The following EFR3B variants were observed in gnomAD, a reference collection of about 807,000 sequenced individuals.
EFR3B encodes the protein EFR3 homolog B, also known as protein EFR3 homolog B.
Under a neutral mutation model 104.7 loss-of-function variants are expected in EFR3B, and 64 were observed. The observed-to-expected ratio is 0.61, with a 90% CI of 0.50 to 0.75. The LOEUF (loss-of-function observed/expected upper bound fraction) is 0.75. EFR3B is among the 30% of genes least tolerant of loss of function. EFR3B has a pLI of 0.00. For missense variants in EFR3B, 750 were observed against 1,078.5 expected, an observed-to-expected ratio of 0.70 and a Z score of 4.27; for synonymous variants, 385 against 417.9, an observed-to-expected ratio of 0.92 and a Z score of 0.96.
chr2:25,080,323 T>C, intron 1 of EFR3B: 1 of 773,718 alleles, frequency 1.3e-6, no homozygotes, highest in African/African-American at 2.0e-5. Flanking sequence ...AGATGGAGTT[T>C]TGCTCTTGTC....
rs749717958 is a variant in EFR3B at position 25,065,346 on chromosome 2, ATTTTTTTTTT to A, written c.7+23042_7+23051del. 1.8e-4 allele frequency among the ~76,000 whole-genome samples: 17 copies of A among 93,354 alleles called. 1 individual carries two copies. Among genetic ancestry groups the A allele is most frequent in the Non-Finnish European group, 2.5e-4 (12 of 48,870 alleles). The allele number at this position is 93,354 out of a possible 152,430, so 61.2% of individuals were successfully genotyped here. A position where few individuals can be genotyped will look rare whatever the true frequency, so the allele number is the denominator to read the frequency against. ...CAGGTGCGCATCACCACACCCAGCT[ATTTTTTTTTT>A]TTTTTTTTTTTTTTGGTTCAGATGA... On this transcript the variant is annotated intron_variant, in intron 1 of 22. Transcript: ENST00000403714.
intron 3 of EFR3B, among the ~76,000 whole-genome samples, chr2:25,094,290 A>AAAAAG (rs971956253): frequency 1.3e-5 from 2 of 151,282 alleles, no homozygotes; most frequent in African/African-American, 4.8e-5. Flanking sequence ...CTCAAAAAAA[A>AAAAAG]AAAAAAAAAA....
intron 18 of EFR3B, among the ~76,000 whole-genome samples, chr2:25,144,613 G>A (rs1001671981): frequency 6.6e-6 from 1 of 152,022 alleles, no homozygotes; most frequent in Non-Finnish European, 1.5e-5. Flanking sequence ...CTGTATTAAT[G>A]CAAATGCACT....
At chr2:25,079,389 C>T (rs1190893826) in intron 1 of EFR3B, among the ~76,000 whole-genome samples, 1 of 152,144 alleles carries the variant, frequency 6.6e-6, no homozygotes, top group African/African-American at 2.4e-5. Context: ...AGGGGAGTTT[C>T]ATGGCAGAGA....
Position 25,139,048 on chromosome 2 carries a change from T to C in EFR3B, c.1723-11T>C, listed in dbSNP as rs1670592153. The C allele has an allele frequency of 6.4e-7, 1 of 1,551,654 alleles. No individual in the cohort carries two copies. The highest frequency in any genetic ancestry group is 8.7e-7 in the Non-Finnish European group (1 of 1,146,946). On this transcript the variant is annotated splice_polypyrimidine_tract_variant and intron_variant, in intron 15 of 22. Coordinates refer to ENST00000403714, the MANE Select transcript of EFR3B (RefSeq NM_014971.2). ...TGAAAAACTCCGGAGGCCTTGTCTATGTTGCCGCAGGACGTGGCCCAAGTC... is the reference window on the plus strand; with the variant it reads ...TGAAAAACTCCGGAGGCCTTGTCTACGTTGCCGCAGGACGTGGCCCAAGTC...
chr2:25,071,544 C>T (rs1448701348), intron 1 of EFR3B, among the ~76,000 whole-genome samples: 2 of 152,170 alleles, frequency 1.3e-5, no homozygotes, highest in African/African-American at 4.8e-5. Context: ...CAGGTGTGAG[C>T]CACTGCACCC....
In EFR3B at chr2:25,132,728, A is replaced by G. The variant is rs753563841; in HGVS notation, c.1148-175A>G. Among the ~76,000 whole-genome samples, 55 of 152,016 alleles carry G rather than the reference A, an allele frequency of 3.6e-4. 1 individual carries two copies. The highest frequency in any genetic ancestry group is 5.2e-4 in the Admixed American group (8 of 15,256). On this transcript the variant is annotated intron_variant, in intron 10 of 22. Coordinates refer to ENST00000403714, the MANE Select transcript of EFR3B (RefSeq NM_014971.2). ...TGGAAGAGACCTCCAAAACCACCTGATGCCTCCCTTTCCTGGAGAGGCCGA... is the reference window on the plus strand; with the variant it reads ...TGGAAGAGACCTCCAAAACCACCTGGTGCCTCCCTTTCCTGGAGAGGCCGA...
intron 1 of EFR3B, among the ~76,000 whole-genome samples, chr2:25,049,598 T>C (rs1667810379): frequency 6.6e-6 from 1 of 152,178 alleles, no homozygotes; most frequent in Non-Finnish European, 1.5e-5. Flanking sequence ...AGCAGTATCT[T>C]GAAGTGGAAG....
At chr2:25,047,053 T>G (rs1667742759) in intron 1 of EFR3B, among the ~76,000 whole-genome samples, 1 of 152,248 alleles carries the variant, frequency 6.6e-6, no homozygotes, top group Admixed American at 6.5e-5. Flanking sequence ...TTTTCTCTCT[T>G]GCTGCTCACA....
chr2:25,049,007 C>G (rs1233194419), intron 1 of EFR3B, among the ~76,000 whole-genome samples: 2 of 152,110 alleles, frequency 1.3e-5, no homozygotes, highest in Admixed American at 1.3e-4. Flanking sequence ...CTCCTACTAG[C>G]GGAATTTTTC....
At position 25,103,634 on chromosome 2, in the gene EFR3B, C is replaced by T. The variant is rs1009360808; in HGVS notation, c.213-3C>T. The stretch of plus-strand genomic sequence containing the variant: ...CAGTGACGGCATGTGCTGCCCTCCC[C>T]AGGTACGTGTGCATTGCTATGGAGG... On this transcript the variant is annotated splice_polypyrimidine_tract_variant and splice_region_variant and intron_variant, in intron 3 of 22. Transcript: ENST00000403714. 1 of 1,548,688 alleles carries T rather than the reference C, an allele frequency of 6.5e-7. No individual in the cohort carries two copies. Among genetic ancestry groups the T allele is most frequent in the Non-Finnish European group, 8.7e-7 (1 of 1,144,824 alleles).
At position 25,155,143 on chromosome 2, in the gene EFR3B, C is replaced by T. The variant is rs2149216331; in HGVS notation, c.*803C>T. ...TCTTTGATGTCTTTCTTCTGAGGGT[C>T]CCAAGGTGTTCCTGGAGCTTCTGGG... On this transcript the variant is annotated 3_prime_UTR_variant, in exon 23 of 23. Coordinates refer to ENST00000403714, the MANE Select transcript of EFR3B (RefSeq NM_014971.2). The T allele has an allele frequency of 6.6e-6, 1 of 152,328 alleles. No homozygotes were observed. Among genetic ancestry groups the T allele is most frequent in the African/African-American group, 2.4e-5 (1 of 41,524 alleles). 9.4% of individuals were successfully genotyped at this position (152,328 alleles called of 1,614,324 possible). A position where few individuals can be genotyped will look rare whatever the true frequency, so the allele number is the denominator to read the frequency against.
At position 25,075,028 on chromosome 2, in the gene EFR3B, G is replaced by A. The variant is rs540390225; in HGVS notation, c.8-16297G>A. Among the ~76,000 whole-genome samples, 20 of 152,302 alleles carry A rather than the reference G, an allele frequency of 1.3e-4. 1 individual carries two copies. Among genetic ancestry groups the A allele is most frequent in the Middle Eastern group, 3.4e-3 (1 of 294 alleles). On this transcript the variant is annotated intron_variant, in intron 1 of 22. Coordinates refer to ENST00000403714, the MANE Select transcript of EFR3B (RefSeq NM_014971.2). ...CCCTTCACCCAGCCTCCCCTAGTGT[G>A]AACATCCTGCGTAACTATAGTTCAG...
chr2:25,084,359 C>T (rs1282508120), intron 1 of EFR3B, among the ~76,000 whole-genome samples: 1 of 152,056 alleles, frequency 6.6e-6, no homozygotes, highest in Non-Finnish European at 1.5e-5. Flanking sequence ...GCCTCCGCCT[C>T]CCGAATAGCT....
At chr2:25,143,609 G>A (rs551717276) in intron 17 of EFR3B, 126 bp from the exon 18 acceptor site, 44 of 1,217,110 alleles carry the variant, frequency 3.6e-5, no homozygotes, top group African/African-American at 6.1e-5. Context: ...GCAATGAGCC[G>A]AGATCGCACC....
intron 19 of EFR3B, chr2:25,146,704 CAGCTT>C (rs1366643281): frequency 6.6e-6 from 1 of 152,314 alleles, no homozygotes; most frequent in African/African-American, 2.4e-5. Flanking sequence ...CTTCAAGAGT[CAGCTT>C]AGCCCAGAGG....
At chr2:25,055,778 GC>G (rs1303199462) in intron 1 of EFR3B, among the ~76,000 whole-genome samples, 1 of 51,216 alleles carries the variant, frequency 2.0e-5, no homozygotes, top group East Asian at 4.6e-4. Flanking sequence ...CACAGCGTGT[GC>G]AAGGAGGGAT....
At chr2:25,092,460 C>A (rs1301238464) in intron 2 of EFR3B, among the ~76,000 whole-genome samples, 1 of 151,870 alleles carries the variant, frequency 6.6e-6, no homozygotes, top group Non-Finnish European at 1.5e-5. Context: ...TATATACACA[C>A]CCATACACAC....
At chr2:25,081,439 T>C in intron 1 of EFR3B, 1 of 1,424,354 alleles carries the variant, frequency 7.0e-7, no homozygotes, top group South Asian at 1.2e-5. Context: ...GGCAATTGCA[T>C]AAGCTTCATC....
Sources: gnomAD v4.1 joint callset for allele counts (sites outside exome capture counted in the v4.1 genomes callset) on GRCh38, gnomAD v4.1.1 for gene constraint, MANE v1.5 for transcripts, NCBI Gene and HGNC (gene_info 2026-07-23, HGNC 2026-07-21) for gene names.